MYH9: variants seen among roughly 807,000 people sequenced by gnomAD.
The protein encoded by MYH9 is myosin heavy chain 9.
In MYH9, 29 loss-of-function variants were observed where a neutral mutation model predicts 241.9. The observed-to-expected ratio is 0.12, with a 90% CI of 0.09 to 0.16. MYH9 has a LOEUF of 0.16. MYH9 is among the 10% of genes least tolerant of loss of function. MYH9 has a pLI of 1.00. For synonymous variants in MYH9, 1,047 were observed against 1,062.6 expected, an observed-to-expected ratio of 0.99 and a Z score of 0.29; for missense variants, 1,803 against 2,595.5, an observed-to-expected ratio of 0.69 and a Z score of 6.63.
At position 36,320,097 on chromosome 22, in the gene MYH9, GCCTTCC is replaced by G; in HGVS notation, c.1012+117_1012+122del. 2 of 1,336,632 alleles carry G rather than the reference GCCTTCC, an allele frequency of 1.5e-6. No homozygotes were observed. Among genetic ancestry groups the G allele is most frequent in the South Asian group, 2.4e-5 (2 of 83,674 alleles). 82.8% of individuals were successfully genotyped at this position (1,336,632 alleles called of 1,614,324 possible). On this transcript the variant is annotated intron_variant, in intron 9 of 40. Coordinates refer to ENST00000216181, the MANE Select transcript of MYH9 (RefSeq NM_002473.6). This position sits in a 1 kb window ranked among gnomAD's most constrained non-coding sequence, Gnocchi z 4.8. The stretch of plus-strand genomic sequence containing the variant: ...GGAATCATTTTCCCATACACTGAAG[GCCTTCC>G]CCTTCCCCTGGCCTCTAGCAGGCTC...
intron 10 of MYH9, 73 bp downstream of exon 10, chr22:36,319,467 G>C (rs1487563196): frequency 2.1e-6 from 3 of 1,411,462 alleles, no homozygotes. Flanking sequence ...ATTTCCGCAA[G>C]ACCTTCCCTC....
At chr22:36,348,032 C>T (rs5756162) in intron 2 of MYH9, among the ~76,000 whole-genome samples, 26,190 of 146,490 alleles carry the variant, frequency 0.18, 3,790 homozygotes, top group East Asian at 0.77. Context: ...TAAAATATTT[C>T]ATTATTTTAA....
chr22:36,323,387 C>A (rs2017286813), intron 5 of MYH9, among the ~76,000 whole-genome samples: 1 of 152,242 alleles, frequency 6.6e-6, no homozygotes, highest in South Asian at 2.1e-4. Context: ...CCCATGCCAC[C>A]AGGGACTAAC....
rs1254895202 is a variant in MYH9 at position 36,320,305 on chromosome 22, G to T, written c.927C>A (p.Thr309=). 6.2e-7 allele frequency: 1 copy of T among 1,614,230 alleles called. No homozygotes were observed. Among genetic ancestry groups the T allele is most frequent in the Non-Finnish European group, 8.5e-7 (1 of 1,180,040 alleles). ...KYRFLSNGHV[T]IPGQQDKDMF... ...TGTCCTTGTCCTGCTGCCCGGGGAT[G>T]GTGACGTGTCCATTGGACAGGAAGC... Residue 309 remains threonine (T), a synonymous_variant, in exon 9 of 41, where the codon ACC becomes ACA. Coordinates refer to ENST00000216181, the MANE Select transcript of MYH9 (RefSeq NM_002473.6). This position sits in a 1 kb window ranked among gnomAD's most constrained non-coding sequence, Gnocchi z 4.8.
At chr22:36,333,424 G>A (rs2017453274) in intron 3 of MYH9, among the ~76,000 whole-genome samples, 1 of 152,200 alleles carries the variant, frequency 6.6e-6, no homozygotes, top group African/African-American at 2.4e-5. Context: ...ACCAGCTCAT[G>A]TGGAAGAGAC....
In MYH9 at chr22:36,295,674, T is replaced by C. The variant is rs1456021815; in HGVS notation, c.3316A>G (p.Ile1106Val). The change falls in exon 26 of 41, where the codon ATC becomes GTC. Residue 1106 changes from isoleucine to valine, a missense_variant. Coordinates refer to ENST00000216181, the MANE Select transcript of MYH9 (RefSeq NM_002473.6). This position sits in a 1 kb window ranked among gnomAD's most constrained non-coding sequence, Gnocchi z 4.1. ...AAQKNMALKKIRELESQISEL... is the reference protein window; with the variant it reads ...AAQKNMALKKVRELESQISEL... ...GAGATCTGAGATTCCAGCTCCCGGA[T>C]CTTCTTGAGGGCCATGTTCTTCTGG... is the stretch of plus-strand genomic sequence containing the variant. 1 of 1,613,828 alleles carries C rather than the reference T, an allele frequency of 6.2e-7. No individual in the cohort carries two copies. Among genetic ancestry groups the C allele is most frequent in the Admixed American group, 1.7e-5 (1 of 60,002 alleles).
rs57106020 is a variant in MYH9, at chr22:36,338,769, G to A, written c.490+2601C>T. On this transcript the variant is annotated intron_variant, in intron 3 of 40. Coordinates refer to ENST00000216181, the MANE Select transcript of MYH9 (RefSeq NM_002473.6). Reference sequence around the variant, plus strand: ...CAGGAGGCGGAGCCCGCAATGAGCCGAGATCGTGCCACTGCACTCCAGCCT... The same window carrying A: ...CAGGAGGCGGAGCCCGCAATGAGCCAAGATCGTGCCACTGCACTCCAGCCT... Among the ~76,000 whole-genome samples the A allele has an allele frequency of 1.3e-3, 197 of 150,480 alleles. 1 individual carries two copies. The highest frequency in any genetic ancestry group is 4.7e-3 in the African/African-American group (192 of 40,894).
intron 31 of MYH9, among the ~76,000 whole-genome samples, chr22:36,290,970 G>A (rs1024610018): frequency 9.2e-5 from 14 of 151,774 alleles, no homozygotes; most frequent in Non-Finnish European, 1.9e-4. Context: ...CGTCTGAGAG[G>A]TGAGGAGCCC....
intron 15 of MYH9, chr22:36,308,920 C>G: frequency 1.1e-6 from 1 of 937,144 alleles, no homozygotes; most frequent in Non-Finnish European, 1.3e-6. Flanking sequence ...AAGGAGAAAC[C>G]AACAGAAAGA....
At position 36,322,483 on chromosome 22, in the gene MYH9, G is replaced by T. The variant is rs2017270174; in HGVS notation, c.651C>A (p.Ile217=). The T allele has an allele frequency of 5.6e-6, 9 of 1,613,790 alleles. No individual in the cohort carries two copies. Among genetic ancestry groups the T allele is most frequent in the Non-Finnish European group, 7.6e-6 (9 of 1,180,000 alleles). The change falls in exon 6 of 41, where the codon ATC becomes ATA. Residue 217 remains isoleucine, a synonymous_variant. Coordinates refer to ENST00000216181, the MANE Select transcript of MYH9 (RefSeq NM_002473.6). The part of the protein sequence containing the change: ...LERQLLQANP[I]LEAFGNAKTV... ...TCTTGGCGTTCCCGAAGGCCTCCAG[G>T]ATGGGGTTGGCCTGCAGCAGCTGCC... is the stretch of plus-strand genomic sequence containing the variant.
At chr22:36,336,006 C>A (rs1569536342) in intron 3 of MYH9, among the ~76,000 whole-genome samples, 1 of 152,230 alleles carries the variant, frequency 6.6e-6, no homozygotes, top group Non-Finnish European at 1.5e-5. Flanking sequence ...GCTGGGTGAC[C>A]AACCACCTCT....
At chr22:36,314,828 T>C (rs1285224259) in intron 12 of MYH9, among the ~76,000 whole-genome samples, 1 of 152,084 alleles carries the variant, frequency 6.6e-6, no homozygotes, top group Non-Finnish European at 1.5e-5. Context: ...TTGGTATTTT[T>C]TGTAGAAATG....
chr22:36,322,046 G>A (rs2017261644), intron 6 of MYH9: 1 of 599,280 alleles, frequency 1.7e-6, no homozygotes, highest in Non-Finnish European at 3.0e-6. Flanking sequence ...CCTGAGACAA[G>A]CTGATCCCAC....
intron 1 of MYH9, chr22:36,364,847 G>C (rs2017987081): frequency 6.6e-6 from 1 of 152,216 alleles, no homozygotes; most frequent in African/African-American, 2.4e-5. Context: ...TGGAATGCCA[G>C]AGCCACCACT....
chr22:36,351,548 G>A (rs932414102), intron 1 of MYH9, among the ~76,000 whole-genome samples: 2 of 152,078 alleles, frequency 1.3e-5, no homozygotes, highest in Non-Finnish European at 2.9e-5. Context: ...GCAAATCCAA[G>A]GTTTCTCCCT....
At chr22:36,385,955 G>A (rs2018345247) in intron 1 of MYH9, among the ~76,000 whole-genome samples, 1 of 152,214 alleles carries the variant, frequency 6.6e-6, no homozygotes, top group Admixed American at 6.5e-5. Flanking sequence ...CCCAAGAGAA[G>A]TGGCCCCTCT....
chr22:36,310,111 G>C (rs1027899929), intron 14 of MYH9, among the ~76,000 whole-genome samples: 1 of 151,250 alleles, frequency 6.6e-6, no homozygotes, highest in Non-Finnish European at 1.5e-5. Context: ...TTAGCCGGGC[G>C]TGGTGGCACG....
At chr22:36,381,175 T>G (rs1192714110) in intron 1 of MYH9, among the ~76,000 whole-genome samples, 5 of 152,172 alleles carry the variant, frequency 3.3e-5, no homozygotes, top group Admixed American at 3.3e-4. Context: ...GGACCCCTTA[T>G]TTTTATAGTT....
At chr22:36,354,863 G>A (rs1276821963) in intron 1 of MYH9, among the ~76,000 whole-genome samples, 3 of 151,730 alleles carry the variant, frequency 2.0e-5, no homozygotes, top group African/African-American at 7.3e-5. Context: ...GGGCTGAATC[G>A]ACATGCACTG....
Sources: gnomAD v4.1 joint callset for allele counts (sites outside exome capture counted in the v4.1 genomes callset) on GRCh38, gnomAD v4.1.1 for gene constraint, Gnocchi (gnomAD v3.1) non-coding constraint, MANE v1.5 for transcripts, NCBI Gene and HGNC (gene_info 2026-07-23, HGNC 2026-07-21) for gene names.